Variants in MMP28 observed in about 807,000 individuals in gnomAD.
The protein encoded by MMP28 is matrix metalloproteinase-28.
MMP28 carries 55 observed loss-of-function variants against 60.5 expected under a neutral mutation model. The observed-to-expected ratio is 0.91, with a 90% CI of 0.73 to 1.14. The LOEUF (loss-of-function observed/expected upper bound fraction) is 1.14. Among genes scored for constraint, MMP28 ranks in the 50% most tolerant of loss-of-function variants. The probability of loss-of-function intolerance (pLI) is 0.00; values close to 1 mark genes in which losing one functional copy is unlikely to be tolerated. For synonymous variants in MMP28, 318 were observed against 312.5 expected (o/e 1.02, Z -0.18); for missense variants, 686 against 738.3 (o/e 0.93, Z 0.82).
downstream of MMP28, chr17:35,764,195 G>A: frequency 6.5e-7 from 1 of 1,547,902 alleles, no homozygotes. Flanking sequence ...GCGGCGCTCA[G>A]TGTCCTACTG....
rs770980548 is a variant in MMP28, at chr17:35,766,879, C to T, written c.1184G>A (p.Arg395Lys). ...FYFFKGGRCW[R>K]FRGPKPVWGL... ...CCACACTGGCTTGGGGCCCCGGAAC[C>T]TCCAGCATCGACCCCCTGTGGGGAA... The change falls in exon 8 of 8, where the codon AGG becomes AAG. Residue 395 changes from arginine to lysine, a missense_variant. Transcript: ENST00000605424. This position sits in a 1 kb window ranked among gnomAD's most constrained non-coding sequence, Gnocchi z 4.3. 5.7e-6 allele frequency: 9 copies of T among 1,577,920 alleles called. No homozygotes were observed. The highest frequency in any genetic ancestry group is 1.7e-4 in the Middle Eastern group (1 of 6,010).
downstream of MMP28, among the ~76,000 whole-genome samples, chr17:35,763,122 CAA>C (rs56180495): frequency 7.0e-3 from 721 of 103,050 alleles, 6 homozygotes; most frequent in South Asian, 0.038. Context: ...ACTCCGTCTC[CAA>C]AAAAAAAAAA....
chr17:35,793,798 A>C (rs537180727), intron 1 of MMP28, among the ~76,000 whole-genome samples: 2 of 152,326 alleles, frequency 1.3e-5, no homozygotes, highest in African/African-American at 4.8e-5. Flanking sequence ...TCAGTAATTC[A>C]GAACCTGTTC....
intron 1 of MMP28, among the ~76,000 whole-genome samples, chr17:35,783,847 C>T (rs1039039660): frequency 1.3e-5 from 2 of 152,166 alleles, no homozygotes; most frequent in African/African-American, 4.8e-5. Context: ...CTTCCTAACT[C>T]GCCTCTGGGA....
intron 4 of MMP28, among the ~76,000 whole-genome samples, chr17:35,771,708 TATATATATATATATATATATATATATATA>T (rs1442220805): frequency 4.0e-5 from 1 of 24,746 alleles, no homozygotes; most frequent in African/African-American, 1.9e-4. Context: ...TATATATATA[TATATATATATATATATATATATATATATA>T]TATATATATA....
At position 35,773,310 on chromosome 17, in the gene MMP28, G is replaced by C; in HGVS notation, c.474C>G (p.Ala158=). The change falls in exon 4 of 8, where the codon GCC becomes GCG. Residue 158 remains alanine, a synonymous_variant. Coordinates refer to ENST00000605424, the MANE Select transcript of MMP28 (RefSeq NM_024302.5). The stretch of plus-strand genomic sequence containing the variant: ...CTGAGACGTTGCTCCACAACTGGAA[G>C]GCGGCGCGCACGGCGCCCCGAACTG... ...EPAVRGAVRA[A]FQLWSNVSAL... 6.2e-7 allele frequency: 1 copy of C among 1,613,722 alleles called. No individual in the cohort carries two copies. Among genetic ancestry groups the C allele is most frequent in the Non-Finnish European group, 8.5e-7 (1 of 1,179,820 alleles).
rs1555605098 is a variant in MMP28, at chr17:35,770,270, G to A, written c.647C>T (p.Ala216Val). 1.9e-6 allele frequency: 3 copies of A among 1,569,212 alleles called. No individual in the cohort carries two copies. The highest frequency in any genetic ancestry group is 1.8e-5 in the Admixed American group (1 of 55,212). ...AHAFLPRRGE[A>V]HFDQDERWSL... ...CCAGCGCTCATCTTGGTCGAAGTGC[G>A]CTTCGCCGCGGCGGGGCAGGAAGGC... Residue 216 changes from alanine (A) to valine (V), a missense_variant, in exon 5 of 8, where the codon GCG (alanine) becomes GTG (valine). Physicochemically the swap from Ala to Val is moderately conservative, Grantham distance 64. Coordinates refer to ENST00000605424, the MANE Select transcript of MMP28 (RefSeq NM_024302.5).
At chr17:35,791,616 T>C (rs1167479489) in intron 1 of MMP28, among the ~76,000 whole-genome samples, 1 of 152,222 alleles carries the variant, frequency 6.6e-6, no homozygotes, top group Non-Finnish European at 1.5e-5. Flanking sequence ...TTTCCAAGCT[T>C]TGTTAGAGTA....
chr17:35,762,747 G>A (rs1417290624), downstream of MMP28, among the ~76,000 whole-genome samples: 1 of 152,132 alleles, frequency 6.6e-6, no homozygotes, highest in Non-Finnish European at 1.5e-5. Flanking sequence ...CAGCGGAGAT[G>A]CTGGGCTTCC....
downstream of MMP28, among the ~76,000 whole-genome samples, chr17:35,762,947 C>T (rs2085851072): frequency 6.6e-6 from 1 of 152,028 alleles, no homozygotes; most frequent in African/African-American, 2.4e-5. Flanking sequence ...ATGGTGAAAC[C>T]TGGTCTCTAC....
chr17:35,765,731 AT>A, downstream of MMP28: 1 of 547,402 alleles, frequency 1.8e-6, no homozygotes, highest in South Asian at 7.9e-5. Flanking sequence ...CCTTCTCTCC[AT>A]CACAGCTCTG....
intron 4 of MMP28, 111 bp from the exon 5 acceptor site, chr17:35,770,423 T>C: frequency 7.4e-7 from 1 of 1,350,752 alleles, no homozygotes; most frequent in Non-Finnish European, 9.7e-7. Context: ...TGCTGTATAG[T>C]TTCCCTCCTA....
At position 35,773,180 on chromosome 17, in the gene MMP28, C is replaced by G. The variant is rs777884367; in HGVS notation, c.604G>C (p.Gly202Arg). The G allele has an allele frequency of 1.2e-6, 2 of 1,613,220 alleles. No individual in the cohort carries two copies. Among genetic ancestry groups the G allele is most frequent in the South Asian group, 2.2e-5 (2 of 91,010 alleles). Residue 202 changes from glycine (G) to arginine (R), a missense_variant and splice_region_variant, in exon 4 of 8, where the codon GGG (glycine) becomes CGG (arginine). Gly to Arg is a moderately radical substitution (Grantham distance 125). Transcript: ENST00000605424. The part of the protein sequence containing the change: ...DGLGNAFDGP[G>R]GALAHAFLPR... ...CGGGAGGGAGGCTTTGTGCCAGCAC[C>G]TGGGCCATCAAAGGCATTGCCCAGC...
At chr17:35,776,745 CT>C (rs1328712912) in intron 3 of MMP28, among the ~76,000 whole-genome samples, 1 of 151,988 alleles carries the variant, frequency 6.6e-6, no homozygotes, top group Non-Finnish European at 1.5e-5. Flanking sequence ...AAAAATTACC[CT>C]GGCATGGTGG....
At chr17:35,770,865 A>T (rs2086111409) in intron 4 of MMP28, among the ~76,000 whole-genome samples, 1 of 151,676 alleles carries the variant, frequency 6.6e-6, no homozygotes, top group Non-Finnish European at 1.5e-5. Context: ...GCCTGGGGAA[A>T]CAAAGCAAGA....
chr17:35,767,934 G>A lies in MMP28; in HGVS notation c.1001-15C>T, dbSNP rs994418481. ...CTGTTGCCTGTCTGCCCAGAGACAA[G>A]AGAGAGTTGAGGAGTGACCATCAGC... On this transcript the variant is annotated splice_polypyrimidine_tract_variant and intron_variant, in intron 6 of 7. Coordinates refer to ENST00000605424, the MANE Select transcript of MMP28 (RefSeq NM_024302.5). 6 of 1,562,312 alleles carry A rather than the reference G, an allele frequency of 3.8e-6. No homozygotes were observed. Among genetic ancestry groups the A allele is most frequent in the Middle Eastern group, 1.7e-4 (1 of 5,806 alleles).
chr17:35,794,717 T>C (rs1330484669), intron 1 of MMP28, among the ~76,000 whole-genome samples: 4 of 152,142 alleles, frequency 2.6e-5, no homozygotes, highest in Non-Finnish European at 1.5e-5. Flanking sequence ...TGAAGCCCCG[T>C]TTAAAGCTCC....
At chr17:35,760,334 C>A (rs988341266) in intron 2 of MMP28, among the ~76,000 whole-genome samples, 2 of 152,186 alleles carry the variant, frequency 1.3e-5, no homozygotes, top group African/African-American at 4.8e-5. Flanking sequence ...TGCCCCCCAA[C>A]AAATACACAA....
chr17:35,756,843 G>C (rs1598399706), intron 2 of MMP28, among the ~76,000 whole-genome samples: 1 of 152,054 alleles, frequency 6.6e-6, no homozygotes, highest in African/African-American at 2.4e-5. Context: ...ATAAGTCATA[G>C]GGCCTGTCTG....
Sources: gnomAD v4.1 joint callset for allele counts (sites outside exome capture counted in the v4.1 genomes callset) on GRCh38, gnomAD v4.1.1 for gene constraint, Gnocchi (gnomAD v3.1) non-coding constraint, MANE v1.5 for transcripts, NCBI Gene and HGNC (gene_info 2026-07-23, HGNC 2026-07-21) for gene names.